Variants in CNTLN observed in about 807,000 individuals in gnomAD.
The protein encoded by CNTLN is centlein, centrosomal protein.
CNTLN carries 212 observed loss-of-function variants against 180.0 expected under a neutral mutation model. The ratio of observed to expected loss-of-function variants is 1.18; its 90% CI spans 1.05 to 1.32. The LOEUF (loss-of-function observed/expected upper bound fraction) is 1.32. Among genes scored for constraint, CNTLN ranks in the 40% most tolerant of loss-of-function variants. The pLI, the probability that CNTLN is intolerant of heterozygous loss-of-function variation, is 0.00. For synonymous variants in CNTLN, 722 were observed against 563.1 expected, an observed-to-expected ratio of 1.28 and a Z score of -3.99; for missense variants, 2,095 against 1,610.9, an observed-to-expected ratio of 1.30 and a Z score of -5.14.
At chr9:17,380,530 T>C (rs1344095855) in intron 13 of CNTLN, among the ~76,000 whole-genome samples, 1 of 152,144 alleles carries the variant, frequency 6.6e-6, no homozygotes. Flanking sequence ...TGCAGTCCAT[T>C]GACGTACAAC....
chr9:17,363,902 G>A (rs1323862284), intron 12 of CNTLN, among the ~76,000 whole-genome samples: 1 of 151,932 alleles, frequency 6.6e-6, no homozygotes, highest in Non-Finnish European at 1.5e-5. Flanking sequence ...TAGGATCTAT[G>A]AGTAGTAAAC....
chr9:17,491,108 A>G (rs1833138772), intron 25 of CNTLN, among the ~76,000 whole-genome samples: 1 of 152,136 alleles, frequency 6.6e-6, no homozygotes, highest in Admixed American at 6.6e-5. Context: ...AATTAAAATT[A>G]TAATAAAGGT....
chr9:17,522,093 G>C, the CNTLN span, among the ~76,000 whole-genome samples: 4 of 152,098 alleles, frequency 2.6e-5, no homozygotes, highest in Admixed American at 2.0e-4. Flanking sequence ...ACTTTGCTAT[G>C]ATAGTCTCAG....
At chr9:17,337,834 C>G (rs889065997) in intron 10 of CNTLN, among the ~76,000 whole-genome samples, 1 of 152,058 alleles carries the variant, frequency 6.6e-6, no homozygotes, top group African/African-American at 2.4e-5. Flanking sequence ...ACATCCTATT[C>G]TATTTATTTT....
chr9:17,149,433 A>G (rs1241421360), intron 2 of CNTLN, among the ~76,000 whole-genome samples: 2 of 151,854 alleles, frequency 1.3e-5, no homozygotes, highest in African/African-American at 4.8e-5. Context: ...CACCCCCACC[A>G]ACAGTGTAAA....
the CNTLN span, among the ~76,000 whole-genome samples, chr9:17,515,482 C>T: frequency 1.3e-5 from 2 of 152,124 alleles, no homozygotes; most frequent in African/African-American, 4.8e-5. Flanking sequence ...GCTTATTCAA[C>T]ATCTCTACTT....
intron 8 of CNTLN, among the ~76,000 whole-genome samples, chr9:17,321,279 C>CT (rs1491441133): frequency 1.3e-5 from 2 of 152,050 alleles, no homozygotes; most frequent in African/African-American, 4.8e-5. Context: ...TAATTGAGAC[C>CT]TTTTTTTGAA....
downstream of CNTLN, among the ~76,000 whole-genome samples, chr9:17,505,031 C>A (rs1485088285): frequency 6.6e-6 from 1 of 152,030 alleles, no homozygotes; most frequent in African/African-American, 2.4e-5. Context: ...GATACACAAT[C>A]AAAGCTGGTT....
intron 8 of CNTLN, among the ~76,000 whole-genome samples, chr9:17,318,128 C>T (rs1354711214): frequency 1.3e-5 from 2 of 151,242 alleles, no homozygotes; most frequent in East Asian, 3.9e-4. Context: ...CCCAGGTTCA[C>T]GCTATTCTCC....
At chr9:17,295,632 C>G (rs1162072223) in intron 6 of CNTLN, among the ~76,000 whole-genome samples, 5 of 152,120 alleles carry the variant, frequency 3.3e-5, no homozygotes, top group South Asian at 2.1e-4. Flanking sequence ...AGTCGGCCAT[C>G]TTGGCCCGCC....
chr9:17,376,945 C>A (rs1324732367), intron 13 of CNTLN, among the ~76,000 whole-genome samples: 1 of 152,042 alleles, frequency 6.6e-6, no homozygotes, highest in Non-Finnish European at 1.5e-5. Context: ...GAATTAATTT[C>A]TTTAAGATTA....
At chr9:17,462,890 T>C (rs1404975873) in intron 19 of CNTLN, 26 bp from the exon 20 acceptor site, 1 of 1,337,342 alleles carries the variant, frequency 7.5e-7, no homozygotes, top group South Asian at 1.5e-5. Flanking sequence ...AAGGTATATT[T>C]AAATTTATTT....
At chr9:17,445,618 C>A (rs956135536) in intron 18 of CNTLN, among the ~76,000 whole-genome samples, 1 of 152,184 alleles carries the variant, frequency 6.6e-6, no homozygotes, top group African/African-American at 2.4e-5. Flanking sequence ...GTCATCACCA[C>A]TCCCTAATCT....
At chr9:17,245,563 G>A (rs559921966) in intron 5 of CNTLN, among the ~76,000 whole-genome samples, 8 of 149,442 alleles carry the variant, frequency 5.4e-5, no homozygotes, top group African/African-American at 2.0e-4. Flanking sequence ...TAACCTTTTT[G>A]TTCTTGGATA....
chr9:17,198,582 CT>C (rs1407013911), intron 2 of CNTLN, among the ~76,000 whole-genome samples: 3 of 140,788 alleles, frequency 2.1e-5, no homozygotes, highest in African/African-American at 8.0e-5. Context: ...TATAGAAATG[CT>C]ACGGAATTTT....
intron 2 of CNTLN, among the ~76,000 whole-genome samples, chr9:17,225,983 T>C (rs531950881): frequency 2.0e-5 from 3 of 152,182 alleles, no homozygotes; most frequent in East Asian, 3.9e-4. Flanking sequence ...CTATGTTTTA[T>C]GTAATTTTTA....
intron 5 of CNTLN, among the ~76,000 whole-genome samples, chr9:17,268,976 C>T (rs886524809): frequency 6.6e-6 from 1 of 152,100 alleles, no homozygotes; most frequent in South Asian, 2.1e-4. Flanking sequence ...TCCCTGACCC[C>T]TTGTGCTTCC....
chr9:17,312,364 T>TATATAATATATATATATATATAA (rs369729227), intron 8 of CNTLN, among the ~76,000 whole-genome samples: 1 of 20,184 alleles, frequency 5.0e-5, no homozygotes, highest in African/African-American at 1.1e-4. Flanking sequence ...TATATATATA[T>TATATAATATATATATATATATAA]TATATATATA....
At chr9:17,424,595 G>A (rs1828952408) in intron 18 of CNTLN, among the ~76,000 whole-genome samples, 1 of 152,168 alleles carries the variant, frequency 6.6e-6, no homozygotes, top group Admixed American at 6.5e-5. Context: ...CACTAAATAT[G>A]TATAAAACTT....
Sources: gnomAD v4.1 joint callset for allele counts (sites outside exome capture counted in the v4.1 genomes callset) on GRCh38, gnomAD v4.1.1 for gene constraint, MANE v1.5 for transcripts, NCBI Gene and HGNC (gene_info 2026-07-23, HGNC 2026-07-21) for gene names.